The following SUSD1 variants were observed in gnomAD, a reference collection of about 807,000 sequenced individuals.
SUSD1 encodes the protein sushi domain containing 1.
A neutral mutation model predicts 86.9 loss-of-function variants in SUSD1; 65 were observed. That is an observed-to-expected ratio of 0.75 (90% CI 0.61 to 0.92). The LOEUF (loss-of-function observed/expected upper bound fraction) is 0.92, where lower values mean the gene tolerates loss of function less well. SUSD1 is among the 40% of genes least tolerant of loss of function. The pLI, the probability that SUSD1 is intolerant of heterozygous loss-of-function variation, is 0.00. For synonymous variants in SUSD1, 346 were observed against 350.0 expected (o/e 0.99, Z 0.13); for missense variants, 850 against 929.7 (o/e 0.91, Z 1.11).
chr9:112,152,835 G>T (rs1224260055), intron 2 of SUSD1, among the ~76,000 whole-genome samples: 2 of 137,540 alleles, frequency 1.5e-5, no homozygotes, highest in Non-Finnish European at 3.0e-5. Context: ...GCTCACTGCA[G>T]CCTCAACCTC....
chr9:112,098,623 A>G lies in SUSD1; in HGVS notation c.1321T>C (p.Ser441Pro), dbSNP rs1830499072. ...LGQRWYLANF[S>P]HATSFNFTTR... ...GTGAAGTTAAACGATGTTGCATGAG[A>G]AAAGTTAGCCAGATACCACCTCTGA... Residue 441 changes from serine to proline, a missense_variant, in exon 10 of 17, where the codon TCT becomes CCT. Transcript: ENST00000374270. The G allele has an allele frequency of 2.5e-6, 4 of 1,614,086 alleles. No individual in the cohort carries two copies. The highest frequency in any genetic ancestry group is 1.3e-5 in the African/African-American group (1 of 74,932).
At chr9:112,171,703 C>G (rs1766589011) in intron 1 of SUSD1, among the ~76,000 whole-genome samples, 1 of 152,040 alleles carries the variant, frequency 6.6e-6, no homozygotes, top group African/African-American at 2.4e-5. Flanking sequence ...CCACTTATAG[C>G]CCAAGTTTAA....
At chr9:112,076,223 G>A (rs370436290) in intron 12 of SUSD1, among the ~76,000 whole-genome samples, 1 of 152,158 alleles carries the variant, frequency 6.6e-6, no homozygotes, top group African/African-American at 2.4e-5. Context: ...AGGGTGGGAG[G>A]TATATAGGCA....
At chr9:112,151,859 A>G (rs1589731884) in intron 2 of SUSD1, among the ~76,000 whole-genome samples, 1 of 151,388 alleles carries the variant, frequency 6.6e-6, no homozygotes, top group African/African-American at 2.4e-5. Context: ...ACATGGAGAA[A>G]CCCCGTCTCT....
At chr9:112,164,835 T>C (rs976813600) in intron 1 of SUSD1, among the ~76,000 whole-genome samples, 2 of 152,134 alleles carry the variant, frequency 1.3e-5, no homozygotes, top group Non-Finnish European at 2.9e-5. Context: ...TCCCAGTTAC[T>C]TGGGAGGCTG....
chr9:112,056,139 AC>A, intron 14 of SUSD1, among the ~76,000 whole-genome samples: 1 of 152,212 alleles, frequency 6.6e-6, no homozygotes, highest in East Asian at 1.9e-4. Context: ...GATGGTGCAC[AC>A]CTGTGGTCCA....
At chr9:112,143,938 C>T (rs1350849223) in intron 3 of SUSD1, among the ~76,000 whole-genome samples, 2 of 152,058 alleles carry the variant, frequency 1.3e-5, no homozygotes, top group Admixed American at 6.6e-5. Flanking sequence ...TAAATATATC[C>T]AATCACTAAA....
In SUSD1 at chr9:112,175,282, C is replaced by T. The variant is rs1299065651; in HGVS notation, c.-47G>A. On this transcript the variant is annotated 5_prime_UTR_variant, in exon 1 of 17. Coordinates refer to ENST00000374270, the MANE Select transcript of SUSD1 (RefSeq NM_022486.5). This position sits in a 1 kb window ranked among gnomAD's most constrained non-coding sequence, Gnocchi z 4.7. The stretch of plus-strand genomic sequence containing the variant: ...CGCGCCCGCGCCTCCTCCCGGGGCC[C>T]TCAGGGTGCAGAGATAAGGCTACAG... The T allele has an allele frequency of 1.8e-6, 2 of 1,131,828 alleles. No individual in the cohort carries two copies. The highest frequency in any genetic ancestry group is 2.2e-6 in the Non-Finnish European group (2 of 923,738). 70.1% of individuals were successfully genotyped at this position (1,131,828 alleles called of 1,614,324 possible). A position where few individuals can be genotyped will look rare whatever the true frequency, so the allele number is the denominator to read the frequency against.
At chr9:112,170,720 G>T (rs1464090508) in intron 1 of SUSD1, among the ~76,000 whole-genome samples, 7 of 141,480 alleles carry the variant, frequency 4.9e-5, no homozygotes, top group South Asian at 4.4e-4. Context: ...TAGAGAGAGA[G>T]AGAGAGAGAG....
At chr9:112,171,964 G>A (rs1259317909) in intron 1 of SUSD1, among the ~76,000 whole-genome samples, 1 of 152,172 alleles carries the variant, frequency 6.6e-6, no homozygotes, top group Non-Finnish European at 1.5e-5. Context: ...GGGAGGCTGA[G>A]GCGGGCAGAT....
In SUSD1 at chr9:112,175,045, G is replaced by T; in HGVS notation, c.103+88C>A. On this transcript the variant is annotated intron_variant, in intron 1 of 16. Coordinates refer to ENST00000374270, the MANE Select transcript of SUSD1 (RefSeq NM_022486.5). The surrounding 1 kb of genome is among the most constrained non-coding windows in gnomAD (Gnocchi z 4.7). Reference sequence around the variant, plus strand: ...TCGGCACCGCGCCGGCCCGGCCCAGGGGCGGGGAAGCGTCCGTGCGCCCAG... The same window carrying T: ...TCGGCACCGCGCCGGCCCGGCCCAGTGGCGGGGAAGCGTCCGTGCGCCCAG... 2.1e-6 allele frequency: 2 copies of T among 959,030 alleles called. No homozygotes were observed. The highest frequency in any genetic ancestry group is 2.5e-6 in the Non-Finnish European group (2 of 804,512). The allele number at this position is 959,030 out of a possible 1,614,324, so 59.4% of individuals were successfully genotyped here.
At chr9:112,102,925 T>C (rs1276622156) in intron 8 of SUSD1, among the ~76,000 whole-genome samples, 1 of 152,240 alleles carries the variant, frequency 6.6e-6, no homozygotes, top group Admixed American at 6.5e-5. Context: ...TCCTGCAGTC[T>C]AATTCATTCT....
rs117440076 is a variant in SUSD1, at chr9:112,120,460, T to C, written c.886+3797A>G. 7.2e-4 allele frequency among the ~76,000 whole-genome samples: 110 copies of C among 152,320 alleles called. No homozygotes were observed. In the East Asian group the frequency reaches 0.02, roughly 28 times the overall value. Reference sequence around the variant, plus strand: ...TACATTACCAGAAGCCTCTCCTACCTACCCACCCAGAGATCATCTGCACTG... The same window carrying C: ...TACATTACCAGAAGCCTCTCCTACCCACCCACCCAGAGATCATCTGCACTG... On this transcript the variant is annotated intron_variant, in intron 6 of 16. Coordinates refer to ENST00000374270, the MANE Select transcript of SUSD1 (RefSeq NM_022486.5).
Position 112,112,823 on chromosome 9 carries a change from C to T in SUSD1, c.932G>A (p.Cys311Tyr). ...INDVSLFNDT[C>Y]VRWQINSRRI... ...TCTTGAGTTTATTTGCCATCTCACA[C>T]AGGTATCATTAAACAGTGATACATC... Residue 311 changes from cysteine to tyrosine, a missense_variant, in exon 7 of 17, where the codon TGT (cysteine) becomes TAT (tyrosine). Transcript: ENST00000374270. The T allele has an allele frequency of 6.2e-7, 1 of 1,613,478 alleles. No individual in the cohort carries two copies. The highest frequency in any genetic ancestry group is 8.5e-7 in the Non-Finnish European group (1 of 1,179,480).
At chr9:112,115,438 G>T (rs1046667578) in intron 6 of SUSD1, among the ~76,000 whole-genome samples, 8 of 152,204 alleles carry the variant, frequency 5.3e-5, no homozygotes, top group Admixed American at 3.9e-4. Context: ...ACCTATGGCT[G>T]TCTGCAGCAT....
At chr9:112,064,961 T>A (rs1370185072) in intron 12 of SUSD1, among the ~76,000 whole-genome samples, 1 of 152,178 alleles carries the variant, frequency 6.6e-6, no homozygotes, top group Non-Finnish European at 1.5e-5. Context: ...TTCTAACGCT[T>A]ATGTATCTTC....
intron 10 of SUSD1, among the ~76,000 whole-genome samples, chr9:112,097,780 G>A (rs1049526097): frequency 4.6e-5 from 7 of 152,120 alleles, no homozygotes; most frequent in Non-Finnish European, 8.8e-5. Flanking sequence ...CGGCTTCAGG[G>A]AGGTAGCAGC....
chr9:112,082,573 GT>G (rs1829813523), intron 10 of SUSD1, among the ~76,000 whole-genome samples: 1 of 152,116 alleles, frequency 6.6e-6, no homozygotes, highest in African/African-American at 2.4e-5. Flanking sequence ...TGGAAAGGGC[GT>G]GGAAATAGAT....
intron 13 of SUSD1, among the ~76,000 whole-genome samples, chr9:112,060,089 A>G (rs1490377203): frequency 1.3e-5 from 2 of 152,076 alleles, no homozygotes; most frequent in East Asian, 3.9e-4. Flanking sequence ...TTACCAGTAA[A>G]TTTGAACTTC....
Sources: gnomAD v4.1 joint callset for allele counts (sites outside exome capture counted in the v4.1 genomes callset) on GRCh38, gnomAD v4.1.1 for gene constraint, Gnocchi (gnomAD v3.1) non-coding constraint, MANE v1.5 for transcripts, NCBI Gene and HGNC (gene_info 2026-07-23, HGNC 2026-07-21) for gene names.